Variants in ZNF700 observed in about 807,000 individuals in gnomAD.
ZNF700 encodes zinc finger protein 700.
Under a neutral mutation model 65.3 loss-of-function variants are expected in ZNF700, and 38 were observed. That is an observed-to-expected ratio of 0.58 (90% CI 0.45 to 0.76). The LOEUF is 0.76. ZNF700 is among the 30% of genes least tolerant of loss of function. ZNF700 has a pLI of 0.00. For missense variants in ZNF700, 857 were observed against 888.4 expected (o/e 0.96, Z 0.45); for synonymous variants, 285 against 290.4 (o/e 0.98, Z 0.19).
At chr19:11,925,918 A>G (rs1212542978) in intron 1 of ZNF700, among the ~76,000 whole-genome samples, 2 of 152,162 alleles carry the variant, frequency 1.3e-5, no homozygotes, top group Non-Finnish European at 2.9e-5. Context: ...GAGAGACAGG[A>G]ATTGCAGGGA....
intron 1 of ZNF700, chr19:11,946,686 A>C (rs1972964360): frequency 6.6e-6 from 1 of 152,494 alleles, no homozygotes; most frequent in Non-Finnish European, 1.5e-5. Flanking sequence ...TCTCACACAA[A>C]GTTCTAAGTT....
chr19:11,927,944 C>T (rs1445021907), intron 1 of ZNF700, among the ~76,000 whole-genome samples: 2 of 151,936 alleles, frequency 1.3e-5, no homozygotes, highest in Non-Finnish European at 2.9e-5. Flanking sequence ...AGGCAAAAGG[C>T]AAATAAATGT....
At chr19:11,947,477 A>G (rs767277154) in intron 2 of ZNF700, 37 bp from the exon 3 acceptor site, 2 of 1,606,520 alleles carry the variant, frequency 1.2e-6, no homozygotes, top group East Asian at 2.2e-5. Context: ...ACAATTTTAT[A>G]CTGCTTCAGG....
At chr19:11,936,441 T>A (rs575079871) in intron 1 of ZNF700, among the ~76,000 whole-genome samples, 12 of 152,194 alleles carry the variant, frequency 7.9e-5, no homozygotes, top group Admixed American at 5.2e-4. Context: ...ATGACCAGTG[T>A]TGATGAGCAT....
At chr19:11,948,225 T>C (rs1173643824) in intron 3 of ZNF700, 51 bp from the exon 4 acceptor site, 9 of 1,571,860 alleles carry the variant, frequency 5.7e-6, no homozygotes, top group East Asian at 2.2e-5. Flanking sequence ...TTGATTAATA[T>C]AGAAGTACTT....
chr19:11,945,729 G>A lies in ZNF700; in HGVS notation c.64-1452G>A, dbSNP rs139744842. Among the ~76,000 whole-genome samples the A allele has an allele frequency of 1.5e-4, 23 of 152,178 alleles. No homozygotes were observed. The East Asian group carries it at 3.9e-3, about 26-fold the overall frequency. ...TCTTCATTCCTCCTCCTGGGGGACA[G>A]TAAGGGCCATGATGACTCCCTTTCC... On this transcript the variant is annotated intron_variant, in intron 1 of 3. Coordinates refer to ENST00000254321, the MANE Select transcript of ZNF700 (RefSeq NM_144566.3).
chr19:11,928,361 T>C (rs1237720308), intron 1 of ZNF700, among the ~76,000 whole-genome samples: 6 of 152,198 alleles, frequency 3.9e-5, no homozygotes, highest in African/African-American at 2.4e-5. Flanking sequence ...AGCTGGTTTT[T>C]ATTTCCTTTT....
At position 11,934,188 on chromosome 19, in the gene ZNF700, T is replaced by TA. The variant is rs201145519; in HGVS notation, c.63+8922dup. Among the ~76,000 whole-genome samples the TA allele has an allele frequency of 5.7e-3, 844 of 147,748 alleles. 102 individuals are homozygous for TA. Among genetic ancestry groups the TA allele is most frequent in the African/African-American group, 0.018 (660 of 37,642 alleles). On this transcript the variant is annotated intron_variant, in intron 1 of 3. Transcript: ENST00000254321. ...GTGTGAGACCTCATCTATTTTTTTTTAAAAAAAGACTCACCTTGTTTGAGT... is the reference window on the plus strand; with the variant it reads ...GTGTGAGACCTCATCTATTTTTTTTTAAAAAAAAGACTCACCTTGTTTGAGT...
intron 1 of ZNF700, among the ~76,000 whole-genome samples, chr19:11,945,222 G>T (rs1325787833): frequency 1.3e-5 from 2 of 152,216 alleles, no homozygotes; most frequent in East Asian, 3.9e-4. Flanking sequence ...AAGGTTCCCA[G>T]CACCCCTCTT....
rs1380600170 is a variant in ZNF700, at chr19:11,948,525, A to G, written c.501A>G (p.Gln167=). Reference sequence around the variant, plus strand: ...ATGGACCAAAGCCATATAAGTGTCAACAACCTAAAAATAAGAAAGCCTTCA... The same window carrying G: ...ATGGACCAAAGCCATATAAGTGTCAGCAACCTAAAAATAAGAAAGCCTTCA... ...QEYGPKPYKC[Q]QPKNKKAFRY... The change falls in exon 4 of 4, where the codon CAA becomes CAG. Residue 167 remains glutamine, a synonymous_variant. Transcript: ENST00000254321. 1.2e-6 allele frequency: 2 copies of G among 1,611,604 alleles called. No individual in the cohort carries two copies. The highest frequency in any genetic ancestry group is 1.7e-6 in the Non-Finnish European group (2 of 1,179,516).
At chr19:11,930,739 G>A (rs748744718) in intron 1 of ZNF700, among the ~76,000 whole-genome samples, 3 of 148,022 alleles carry the variant, frequency 2.0e-5, no homozygotes, top group Non-Finnish European at 2.9e-5. Flanking sequence ...GGTGGCTCAC[G>A]CCTGTAATAC....
At chr19:11,934,519 C>CTTTG (rs1008526604) in intron 1 of ZNF700, among the ~76,000 whole-genome samples, 29 of 146,520 alleles carry the variant, frequency 2.0e-4, no homozygotes, top group Admixed American at 8.0e-4. Flanking sequence ...TTCTTTTTTT[C>CTTTG]TTTGTTTGTT....
intron 1 of ZNF700, among the ~76,000 whole-genome samples, chr19:11,941,942 C>T (rs1380978668): frequency 6.6e-6 from 1 of 150,632 alleles, no homozygotes; most frequent in East Asian, 2.0e-4. Context: ...TTACTGCCAC[C>T]CCAGGAAGGT....
intron 1 of ZNF700, among the ~76,000 whole-genome samples, chr19:11,938,227 C>A (rs1410398145): frequency 6.6e-6 from 1 of 152,062 alleles, no homozygotes; most frequent in Non-Finnish European, 1.5e-5. Context: ...CACCACCACA[C>A]CTGGCTGATT....
intron 1 of ZNF700, among the ~76,000 whole-genome samples, chr19:11,932,743 T>G (rs947617097): frequency 6.9e-6 from 1 of 145,532 alleles, no homozygotes; most frequent in Non-Finnish European, 1.5e-5. Flanking sequence ...GTTCACGCCA[T>G]TCTCCTGTCT....
At position 11,947,497 on chromosome 19, in the gene ZNF700, CTG is replaced by C. The variant is rs1568297061; in HGVS notation, c.191-13_191-12del. The C allele has an allele frequency of 6.2e-7, 1 of 1,610,844 alleles. No homozygotes were observed. Among genetic ancestry groups the C allele is most frequent in the Non-Finnish European group, 8.5e-7 (1 of 1,179,080 alleles). On this transcript the variant is annotated splice_polypyrimidine_tract_variant and intron_variant, in intron 2 of 3. Transcript: ENST00000254321. ...TTTATACTGCTTCAGGACTATTTTT[CTG>C]TGTCTGTATTTTAGGAAAAAAATGG... is the stretch of plus-strand genomic sequence containing the variant.
intron 1 of ZNF700, 119 bp downstream of exon 1, chr19:11,925,392 C>A (rs1235794789): frequency 4.7e-6 from 7 of 1,479,580 alleles, no homozygotes; most frequent in Middle Eastern, 2.5e-4. Context: ...GGACCGAGTC[C>A]TCCTTGAGCA....
chr19:11,931,649 C>G (rs1376669919), intron 1 of ZNF700, among the ~76,000 whole-genome samples: 1 of 148,244 alleles, frequency 6.7e-6, no homozygotes, highest in African/African-American at 2.6e-5. Flanking sequence ...TAAAATATAA[C>G]TGTAGGCATA....
intron 1 of ZNF700, among the ~76,000 whole-genome samples, chr19:11,943,423 G>A (rs1287396249): frequency 6.6e-6 from 1 of 152,166 alleles, no homozygotes; most frequent in Non-Finnish European, 1.5e-5. Context: ...GCCAGTTTTA[G>A]TAGTGATTAT....
Sources: allele counts gnomAD v4.1 joint callset (sites outside exome capture counted in the v4.1 genomes callset), GRCh38; gene constraint gnomAD v4.1.1; transcripts MANE v1.5; gene names NCBI Gene and HGNC (gene_info 2026-07-23, HGNC 2026-07-21).